Variants in ARHGEF11 observed in about 807,000 individuals in gnomAD.
The protein encoded by ARHGEF11 is Rho guanine exchange factor (GEF) 11.
ARHGEF11 carries 55 observed loss-of-function variants against 193.7 expected under a neutral mutation model. The ratio of observed to expected loss-of-function variants is 0.28; its 90% confidence interval spans 0.23 to 0.36. The LOEUF is 0.36. Ranked by LOEUF, ARHGEF11 falls within the 10% of genes least tolerant of loss-of-function variation. The pLI is 1.00. For missense variants in ARHGEF11, 1,723 were observed against 2,005.6 expected (o/e 0.86, Z 2.69); for synonymous variants, 693 against 768.0 (o/e 0.90, Z 1.62).
At chr1:157,025,438 G>A (rs1670528660) in intron 1 of ARHGEF11, among the ~76,000 whole-genome samples, 1 of 152,140 alleles carries the variant, frequency 6.6e-6, no homozygotes, top group Admixed American at 6.5e-5. Flanking sequence ...TGGTAGAGAG[G>A]GAAAAAGGAC....
intron 1 of ARHGEF11, among the ~76,000 whole-genome samples, chr1:157,025,727 G>A (rs1261297442): frequency 1.3e-5 from 2 of 152,258 alleles, no homozygotes; most frequent in Non-Finnish European, 2.9e-5. Flanking sequence ...AGATCAAGGA[G>A]CTAAGTTATA....
intron 1 of ARHGEF11, among the ~76,000 whole-genome samples, chr1:156,991,755 C>T (rs550421314): frequency 3.1e-4 from 34 of 108,452 alleles, no homozygotes; most frequent in African/African-American, 8.3e-4. Flanking sequence ...CTCGCTCTGT[C>T]GCCCAGGCTG....
At chr1:157,013,011 T>A (rs1668725814) in intron 1 of ARHGEF11, among the ~76,000 whole-genome samples, 1 of 152,090 alleles carries the variant, frequency 6.6e-6, no homozygotes, top group South Asian at 2.1e-4. Flanking sequence ...AGGGTACTTT[T>A]TAGGGGGCGT....
At chr1:157,013,508 C>G (rs974808313) in intron 1 of ARHGEF11, among the ~76,000 whole-genome samples, 1 of 152,014 alleles carries the variant, frequency 6.6e-6, no homozygotes, top group Admixed American at 6.6e-5. Flanking sequence ...CATGGCTGCT[C>G]ACACCTTCCT....
intron 39 of ARHGEF11, 36 bp from the exon 40 acceptor site, chr1:156,937,041 C>T: frequency 6.2e-7 from 1 of 1,602,176 alleles, no homozygotes; most frequent in South Asian, 1.1e-5. Context: ...TGCTCGAGTC[C>T]TTCTATTCCT....
intron 1 of ARHGEF11, among the ~76,000 whole-genome samples, chr1:156,993,110 A>G (rs1666002626): frequency 6.6e-6 from 1 of 152,230 alleles, no homozygotes; most frequent in Non-Finnish European, 1.5e-5. Flanking sequence ...TTCAATACTC[A>G]CAAAAGTCTG....
At chr1:156,998,031 C>CAG (rs139579047) in intron 1 of ARHGEF11, among the ~76,000 whole-genome samples, 4,097 of 152,236 alleles carry the variant, frequency 0.027, 73 homozygotes, top group South Asian at 0.054. Context: ...GAAGCCTGCC[C>CAG]AGTCAACCCT....
intron 4 of ARHGEF11, among the ~76,000 whole-genome samples, chr1:156,979,649 C>A (rs537277676): frequency 7.2e-5 from 11 of 152,320 alleles, no homozygotes; most frequent in African/African-American, 7.2e-5. Flanking sequence ...CAGGCGTGAG[C>A]CACTGCGCCT....
At chr1:156,969,959 G>A in intron 9 of ARHGEF11, 39 bp downstream of exon 9, 1 of 1,608,082 alleles carries the variant, frequency 6.2e-7, no homozygotes, top group African/African-American at 1.3e-5. Context: ...ACCTGGACTA[G>A]AGATATGCCA....
At chr1:157,022,165 A>C (rs1191563287) in intron 1 of ARHGEF11, among the ~76,000 whole-genome samples, 1 of 152,244 alleles carries the variant, frequency 6.6e-6, no homozygotes, top group African/African-American at 2.4e-5. Context: ...TCTGTGCAAC[A>C]ATGTGCTGAG....
chr1:156,995,705 T>C (rs1230840061), intron 1 of ARHGEF11, among the ~76,000 whole-genome samples: 1 of 88,154 alleles, frequency 1.1e-5, no homozygotes, highest in Non-Finnish European at 2.5e-5. Flanking sequence ...GCCCAGCTTG[T>C]TTTTTTTTTT....
chr1:156,956,573 G>C lies in ARHGEF11; in HGVS notation c.1527-9C>G. The C allele has an allele frequency of 6.2e-7, 1 of 1,614,124 alleles. No homozygotes were observed. Among genetic ancestry groups the C allele is most frequent in the Non-Finnish European group, 8.5e-7 (1 of 1,179,970 alleles). On this transcript the variant is annotated splice_polypyrimidine_tract_variant and intron_variant, in intron 18 of 40. Transcript: ENST00000368194. ...CGAAGTCCATGGGGGCGCTGTAAAA[G>C]AGGAACAGTGTCCTGAATCAGAGAG... is the stretch of plus-strand genomic sequence containing the variant.
chr1:156,968,811 T>A (rs1287951146), intron 10 of ARHGEF11, among the ~76,000 whole-genome samples: 1 of 152,230 alleles, frequency 6.6e-6, no homozygotes, highest in Non-Finnish European at 1.5e-5. Flanking sequence ...AAACCTGAAA[T>A]TCTTTTAGTC....
rs1029828437 is a variant in ARHGEF11, at chr1:157,010,330, G to C, written c.33-24157C>G. 2.7e-5 allele frequency among the ~76,000 whole-genome samples: 4 copies of C among 150,826 alleles called. No individual in the cohort carries two copies. The East Asian group carries it at 7.8e-4, about 29-fold the overall frequency. On this transcript the variant is annotated intron_variant, in intron 1 of 40. Transcript: ENST00000368194. ...AGTAAAACTCTCTCTTTTCACAGATGATGTGATCTTGCATACAGAAAATCC... is the reference window on the plus strand; with the variant it reads ...AGTAAAACTCTCTCTTTTCACAGATCATGTGATCTTGCATACAGAAAATCC...
In ARHGEF11 at chr1:156,951,710, A is replaced by G. The variant is rs371764584; in HGVS notation, c.1799-11T>C. On this transcript the variant is annotated splice_polypyrimidine_tract_variant and intron_variant, in intron 21 of 40. Coordinates refer to ENST00000368194, the MANE Select transcript of ARHGEF11 (RefSeq NM_198236.3). ...CATTGCCTGGTTTGACTAGAAGCAA[A>G]AAGAAAATGAAGGACACTAGGCTTG... 2 of 1,613,934 alleles carry G rather than the reference A, an allele frequency of 1.2e-6. No individual in the cohort carries two copies. The highest frequency in any genetic ancestry group is 2.7e-5 in the African/African-American group (2 of 74,912).
At chr1:157,005,566 A>G (rs1667726342) in intron 1 of ARHGEF11, among the ~76,000 whole-genome samples, 3 of 152,220 alleles carry the variant, frequency 2.0e-5, no homozygotes, top group South Asian at 4.1e-4. Context: ...GCCCCCAAAC[A>G]GTTCTGGTAC....
chr1:157,042,238 G>A (rs544350507), intron 1 of ARHGEF11, among the ~76,000 whole-genome samples: 1 of 152,120 alleles, frequency 6.6e-6, no homozygotes, highest in Non-Finnish European at 1.5e-5. Context: ...TTAACTATAG[G>A]ACTTACAGGT....
intron 1 of ARHGEF11, among the ~76,000 whole-genome samples, chr1:157,002,628 C>T (rs2102689824): frequency 6.6e-6 from 1 of 152,266 alleles, no homozygotes; most frequent in South Asian, 2.1e-4. Flanking sequence ...ATATCTCACT[C>T]CAACTAGATG....
chr1:156,990,059 T>A (rs1219844978), intron 1 of ARHGEF11, among the ~76,000 whole-genome samples: 2 of 152,196 alleles, frequency 1.3e-5, no homozygotes, highest in African/African-American at 4.8e-5. Flanking sequence ...ATTAAGTTCT[T>A]TGTAGCTATT....
Sources: allele counts gnomAD v4.1 joint callset (sites outside exome capture counted in the v4.1 genomes callset), GRCh38; gene constraint gnomAD v4.1.1; transcripts MANE v1.5; gene names NCBI Gene and HGNC (gene_info 2026-07-23, HGNC 2026-07-21).